The following MED23 variants were observed in gnomAD, a reference collection of about 807,000 sequenced individuals.
MED23 encodes the protein mediator complex subunit 23.
A neutral mutation model predicts 163.9 loss-of-function variants in MED23; 105 were observed. That is an observed-to-expected ratio of 0.64 (90% CI 0.55 to 0.75). The LOEUF (loss-of-function observed/expected upper bound fraction) is 0.75. Among genes scored for constraint, MED23 ranks in the 30% least tolerant of loss-of-function variants. The probability of loss-of-function intolerance (pLI) is 0.00; values close to 1 mark genes in which losing one functional copy is unlikely to be tolerated. For missense variants in MED23, 1,054 were observed against 1,649.0 expected, an observed-to-expected ratio of 0.64 and a Z score of 6.25; for synonymous variants, 561 against 565.6, an observed-to-expected ratio of 0.99 and a Z score of 0.12.
rs768137945 is a variant in MED23 at position 131,598,371 on chromosome 6, C to T, written c.2523G>A (p.Gln841=). Residue 841 remains glutamine (Q), a synonymous_variant, in exon 20 of 29, where the codon CAG becomes CAA. Transcript: ENST00000368068. The surrounding 1 kb of genome is among the most constrained non-coding windows in gnomAD (Gnocchi z 4.7). ...GAATTTCAATGCATTTATTGAGTTG[C>T]TGACCCCCTGCTGATGTAGAAAACT... ...VYEFSTSAGG[Q]QLNKCIEILN... is the part of the protein sequence containing the mutation. 7 of 1,613,978 alleles carry T rather than the reference C, an allele frequency of 4.3e-6. No homozygotes were observed. In the Admixed American group the frequency reaches 1.2e-4, roughly 27 times the overall value.
At chr6:131,594,717 T>C (rs879584616) in intron 22 of MED23, among the ~76,000 whole-genome samples, 5 of 152,184 alleles carry the variant, frequency 3.3e-5, no homozygotes, top group Non-Finnish European at 7.3e-5. Context: ...ATCTGGCATG[T>C]ATGAGGCAGC....
intron 5 of MED23, among the ~76,000 whole-genome samples, chr6:131,622,217 T>G (rs1481289131): frequency 6.6e-6 from 1 of 152,242 alleles, no homozygotes; most frequent in Non-Finnish European, 1.5e-5. Context: ...TTGTCAAGCT[T>G]TTTTGGCCCT....
At chr6:131,611,626 C>A (rs1562394341) in intron 10 of MED23, among the ~76,000 whole-genome samples, 2 of 152,090 alleles carry the variant, frequency 1.3e-5, no homozygotes, top group South Asian at 2.1e-4. Context: ...GTTCTGCCAA[C>A]CACCAACAAC....
At chr6:131,603,495 TC>T (rs148404920) in intron 15 of MED23, among the ~76,000 whole-genome samples, 1,754 of 152,260 alleles carry the variant, frequency 0.012, 35 homozygotes, top group African/African-American at 0.041. Flanking sequence ...TCTTCTCAAT[TC>T]TGATATCTTT....
At chr6:131,609,879 C>G (rs1217200779) in intron 11 of MED23, among the ~76,000 whole-genome samples, 167 bp downstream of exon 11, 5 of 151,706 alleles carry the variant, frequency 3.3e-5, no homozygotes, top group Admixed American at 2.0e-4. Context: ...CCTGTTTTTA[C>G]AGTGACAAGA....
chr6:131,585,325 C>G (rs139306733), downstream of MED23, among the ~76,000 whole-genome samples: 1 of 152,286 alleles, frequency 6.6e-6, no homozygotes, highest in African/African-American at 2.4e-5. Flanking sequence ...AAAAGGTAGG[C>G]TCCATGAATG....
chr6:131,620,970 C>T (rs1777056557), intron 6 of MED23, among the ~76,000 whole-genome samples: 5 of 151,960 alleles, frequency 3.3e-5, no homozygotes, highest in Admixed American at 3.3e-4. Context: ...GCCCGGCTAA[C>T]TTTTTAATTT....
At chr6:131,592,875 G>T in intron 24 of MED23, 131 bp downstream of exon 24, 1 of 1,085,404 alleles carries the variant, frequency 9.2e-7, no homozygotes, top group Non-Finnish European at 1.4e-6. Context: ...ACAAGATCTG[G>T]AACCAGAAAA....
downstream of MED23, among the ~76,000 whole-genome samples, chr6:131,585,727 T>C (rs1360172452): frequency 1.3e-5 from 2 of 152,212 alleles, no homozygotes; most frequent in Non-Finnish European, 2.9e-5. Flanking sequence ...GAAAAACTTT[T>C]AGGATGTGAT....
At chr6:131,613,154 A>G (rs918567965) in intron 10 of MED23, among the ~76,000 whole-genome samples, 1 of 152,180 alleles carries the variant, frequency 6.6e-6, no homozygotes, top group Non-Finnish European at 1.5e-5. Context: ...TGAATGATGA[A>G]TACTTCACTG....
At chr6:131,583,961 A>G (rs1774075099), downstream of MED23, 1 of 1,588,314 alleles carries the variant, frequency 6.3e-7, no homozygotes, top group African/African-American at 1.3e-5. Flanking sequence ...TTAGAAAGCT[A>G]ATCATTTTCT....
chr6:131,600,747 TC>T (rs1775410904), intron 17 of MED23, among the ~76,000 whole-genome samples: 1 of 148,774 alleles, frequency 6.7e-6, no homozygotes, highest in African/African-American at 2.6e-5. Context: ...TAAAAAGATA[TC>T]AGGCTTTTTC....
rs1464844016 is a variant in MED23, at chr6:131,594,307, A to C, written c.3024T>G (p.Thr1008=). The change falls in exon 23 of 29, where the codon ACT becomes ACG. Residue 1008 remains threonine, a synonymous_variant. Coordinates refer to ENST00000368068, the MANE Select transcript of MED23 (RefSeq NM_004830.4). The stretch of plus-strand genomic sequence containing the variant: ...TCAGGTGCATTTCATAATAGTGCAG[A>C]GTGTTATACAGATAAGTCACTGGAC... ...HDRPVTYLYN[T]LHYYEMHLRD... is the part of the protein sequence containing the mutation. 2 of 1,614,120 alleles carry C rather than the reference A, an allele frequency of 1.2e-6. No homozygotes were observed. Among genetic ancestry groups the C allele is most frequent in the South Asian group, 2.2e-5 (2 of 91,080 alleles).
chr6:131,596,412 CAA>C, intron 21 of MED23, 104 bp downstream of exon 21: 1 of 1,295,444 alleles, frequency 7.7e-7, no homozygotes, highest in Non-Finnish European at 1.1e-6. Flanking sequence ...TCTATATAGA[CAA>C]GAGAAAAAAC....
At chr6:131,615,482 CA>C in intron 10 of MED23, 1 of 177,900 alleles carries the variant, frequency 5.6e-6, no homozygotes, top group Non-Finnish European at 1.1e-5. Flanking sequence ...GTTAAACCAC[CA>C]AAAACAAGCA....
chr6:131,596,248 A>G (rs1775038590), intron 21 of MED23, 85 bp from the exon 22 acceptor site: 11 of 1,252,398 alleles, frequency 8.8e-6, no homozygotes, highest in Non-Finnish European at 1.3e-5. Context: ...CATTGTTTAG[A>G]TTTTTTTTTG....
chr6:131,627,961 G>T, intron 1 of MED23, 50 bp downstream of exon 1: 1 of 1,612,340 alleles, frequency 6.2e-7, no homozygotes, highest in Non-Finnish European at 8.5e-7. Flanking sequence ...CTGCCCCCGC[G>T]TCTCCCCGTC....
rs1253062646 is a variant in MED23 at position 131,596,101 on chromosome 6, G to C, written c.2841C>G (p.Ile947Met). 1 of 1,614,126 alleles carries C rather than the reference G, an allele frequency of 6.2e-7. No homozygotes were observed. Among genetic ancestry groups the C allele is most frequent in the Admixed American group, 1.7e-5 (1 of 60,026 alleles). ...LAEQVDPPVQ[I>M]QSPYLPIYFG... is the part of the protein sequence containing the mutation. ...AATAGATGGGCAGATAGGGAGACTG[G>C]ATCTGTACAGGAGGATCCACCTGTT... The change falls in exon 22 of 29, where the codon ATC (isoleucine) becomes ATG (methionine). Residue 947 changes from isoleucine (I) to methionine (M), a missense_variant. Coordinates refer to ENST00000368068, the MANE Select transcript of MED23 (RefSeq NM_004830.4).
chr6:131,590,984 ATTT>A (rs72014572), intron 26 of MED23, among the ~76,000 whole-genome samples: 2,464 of 130,978 alleles, frequency 0.019, 80 homozygotes, highest in African/African-American at 0.065. Flanking sequence ...ATGAAATACA[ATTT>A]TTTTTTTTTT....
Sources: allele counts gnomAD v4.1 joint callset (sites outside exome capture counted in the v4.1 genomes callset), GRCh38; gene constraint gnomAD v4.1.1; non-coding constraint Gnocchi (gnomAD v3.1); transcripts MANE v1.5; gene names NCBI Gene and HGNC (gene_info 2026-07-23, HGNC 2026-07-21).